Variants in RNF213 observed in about 807,000 individuals in gnomAD.
The protein encoded by RNF213 is E3 ubiquitin-protein ligase RNF213.
A neutral mutation model predicts 514.4 loss-of-function variants in RNF213; 341 were observed. The observed-to-expected ratio is 0.66, with a 90% CI of 0.61 to 0.73. The LOEUF is 0.73. RNF213 is among the 30% of genes least tolerant of loss of function. The probability of loss-of-function intolerance (pLI) is 0.00; values close to 1 mark genes in which losing one functional copy is unlikely to be tolerated. For synonymous variants in RNF213, 2,655 were observed against 2,658.2 expected (o/e 1.00, Z 0.04); for missense variants, 5,767 against 6,615.6 (o/e 0.87, Z 4.45).
chr17:80,286,691 G>A (rs2044484492), intron 3 of RNF213, among the ~76,000 whole-genome samples: 1 of 152,234 alleles, frequency 6.6e-6, no homozygotes, highest in Non-Finnish European at 1.5e-5. Context: ...GAGGTGGGGG[G>A]CGTGGAGTGG....
At chr17:80,328,525 G>C in intron 20 of RNF213, 48 bp downstream of exon 20, 1 of 1,528,120 alleles carries the variant, frequency 6.5e-7, no homozygotes, top group Non-Finnish European at 8.8e-7. Flanking sequence ...CAAAGGGTTA[G>C]AGGAGAACAC....
intron 36 of RNF213, among the ~76,000 whole-genome samples, chr17:80,355,526 G>A (rs886873472): frequency 0.016 from 624 of 39,296 alleles, 4 homozygotes; most frequent in East Asian, 0.048. Context: ...GGCTTACAGG[G>A]GGAAGAAGCG....
intron 6 of RNF213, among the ~76,000 whole-genome samples, chr17:80,290,087 G>T (rs1033336321): frequency 6.6e-6 from 1 of 152,250 alleles, no homozygotes; most frequent in Non-Finnish European, 1.5e-5. Context: ...GAGAGGGGCT[G>T]TTCTGGCCCA....
At position 80,325,073 on chromosome 17, in the gene RNF213, G is replaced by A. The variant is rs1450923227; in HGVS notation, c.3068G>A (p.Arg1023Gln). Residue 1023 changes from arginine (R) to glutamine (Q), a missense_variant, in exon 18 of 68, where the codon CGG (arginine) becomes CAG (glutamine). By Grantham distance (43) the Arg-to-Gln change is conservative (BLOSUM62 1). This residue lies in a region of RNF213 where 516 missense variants were observed against 566.5 expected (regional missense o/e 0.91). Transcript: ENST00000582970. ...CAGGGGTTCTCTTACTCTGATTTGC[G>A]GAAATTTGGCATCGTCTTGTCTGCT... is the stretch of plus-strand genomic sequence containing the variant. ...ILQGFSYSDL[R>Q]KFGIVLSAVI... 3.3e-6 allele frequency: 5 copies of A among 1,537,026 alleles called. No individual in the cohort carries two copies. Among genetic ancestry groups the A allele is most frequent in the Admixed American group, 3.9e-5 (2 of 50,960 alleles).
chr17:80,392,794 T>G (rs531679406), intron 67 of RNF213, among the ~76,000 whole-genome samples: 11 of 152,110 alleles, frequency 7.2e-5, no homozygotes, highest in Non-Finnish European at 2.9e-5. Flanking sequence ...TTCTCCATGT[T>G]GGCTAGGCTG....
chr17:80,333,226 A>T (rs1223800354), intron 21 of RNF213, among the ~76,000 whole-genome samples: 8 of 141,012 alleles, frequency 5.7e-5, no homozygotes, highest in South Asian at 2.3e-4. Flanking sequence ...TTTTTTTGGT[A>T]TTTTTTTTTT....
chr17:80,363,305 A>G lies in RNF213; in HGVS notation c.11559A>G (p.Gly3853=), dbSNP rs758667908. 6.2e-7 allele frequency: 1 copy of G among 1,613,698 alleles called. No individual in the cohort carries two copies. The highest frequency in any genetic ancestry group is 1.3e-5 in the African/African-American group (1 of 74,898). Residue 3853 remains glycine (G), a synonymous_variant, in exon 40 of 68, where the codon GGA becomes GGG. Coordinates refer to ENST00000582970, the MANE Select transcript of RNF213 (RefSeq NM_001256071.3). Reference sequence around the variant, plus strand: ...CCCGTTGGAACCATGAGCTGGCTGGATGTGAGATGGTATGGCCCTCCTCCG... The same window carrying G: ...CCCGTTGGAACCATGAGCTGGCTGGGTGTGAGATGGTATGGCCCTCCTCCG... ...MEARWNHELA[G]CEMTLDAFAA... is the part of the protein sequence containing the mutation.
chr17:80,348,917 A>G (rs946314479), intron 29 of RNF213, among the ~76,000 whole-genome samples: 5 of 152,180 alleles, frequency 3.3e-5, no homozygotes, highest in African/African-American at 1.2e-4. Flanking sequence ...TCTCAGCCCT[A>G]TGGAGCGGGC....
Position 80,348,305 on chromosome 17 carries a change from T to C in RNF213, c.9951+19T>C, listed in dbSNP as rs576113500. The stretch of plus-strand genomic sequence containing the variant: ...CACAGAGGTGATTGTCTTTCTGCAC[T>C]TGTACCCTATCCCCTGTCACCCAAG... On this transcript the variant is annotated intron_variant, in intron 29 of 67. Coordinates refer to ENST00000582970, the MANE Select transcript of RNF213 (RefSeq NM_001256071.3). 1.4e-4 allele frequency: 223 copies of C among 1,607,586 alleles called. 1 individual carries two copies. In the South Asian group the frequency reaches 2.3e-3, roughly 17 times the overall value.
intron 3 of RNF213, among the ~76,000 whole-genome samples, chr17:80,281,511 ACCC>A (rs1231909684): frequency 1.4e-5 from 1 of 70,336 alleles, no homozygotes; most frequent in Non-Finnish European, 2.7e-5. Flanking sequence ...TCACACACAC[ACCC>A]CAACACACAC....
intron 2 of RNF213, among the ~76,000 whole-genome samples, chr17:80,269,683 TTCTA>T (rs1462152276): frequency 2.0e-5 from 3 of 152,268 alleles, no homozygotes; most frequent in Admixed American, 6.5e-5. Context: ...CATTCATCTG[TTCTA>T]TCTATGTATC....
chr17:80,293,683 G>T (rs538347159), intron 8 of RNF213, among the ~76,000 whole-genome samples: 26 of 152,120 alleles, frequency 1.7e-4, no homozygotes, highest in Non-Finnish European at 3.5e-4. Context: ...AATTGGCCGG[G>T]CGTCTTGGCA....
chr17:80,387,804 G>A (rs912534611), intron 63 of RNF213, among the ~76,000 whole-genome samples: 1 of 152,112 alleles, frequency 6.6e-6, no homozygotes, highest in Non-Finnish European at 1.5e-5. Context: ...ACTGCATCCC[G>A]TGACCTCATG....
intron 31 of RNF213, among the ~76,000 whole-genome samples, chr17:80,350,987 TA>T (rs1222349364): frequency 1.3e-5 from 2 of 152,266 alleles, no homozygotes; most frequent in East Asian, 1.9e-4. Context: ...ATTTATTGGA[TA>T]TTTTTATAGT....
At position 80,345,840 on chromosome 17, in the gene RNF213, T is replaced by C; in HGVS notation, c.7505T>C (p.Leu2502Pro). The part of the protein sequence containing the change: ...TEAISCIKEV[L>P]CDHMVDGQPL... ...GCTATAAGCTGTATCAAAGAAGTCC[T>C]GTGTGATCATATGGTGGATGGCCAG... is the stretch of plus-strand genomic sequence containing the variant. The change falls in exon 29 of 68, where the codon CTG becomes CCG. Residue 2502 changes from leucine to proline, a missense_variant. Around this residue, in one of 13 missense-constraint regions of RNF213, gnomAD observed 1,377 missense variants for 1,635.2 expected, o/e 0.84. Coordinates refer to ENST00000582970, the MANE Select transcript of RNF213 (RefSeq NM_001256071.3). The surrounding 1 kb of genome is among the most constrained non-coding windows in gnomAD (Gnocchi z 6.0). 1 of 1,614,126 alleles carries C rather than the reference T, an allele frequency of 6.2e-7. No homozygotes were observed. Among genetic ancestry groups the C allele is most frequent in the Non-Finnish European group, 8.5e-7 (1 of 1,180,034 alleles).
At chr17:80,369,456 A>G in intron 44 of RNF213, 46 bp from the exon 45 acceptor site, 1 of 1,561,822 alleles carries the variant, frequency 6.4e-7, no homozygotes, top group South Asian at 1.1e-5. Context: ...GTAAGGAGGC[A>G]TTTGGGAAAC....
At chr17:80,352,432 AC>A (rs2078559117) in intron 32 of RNF213, 1 of 382,184 alleles carries the variant, frequency 2.6e-6, no homozygotes. Context: ...ACGCACCGAT[AC>A]GCCTGTTTGG....
chr17:80,318,910 T>C (rs905055282), intron 16 of RNF213, among the ~76,000 whole-genome samples: 1 of 152,154 alleles, frequency 6.6e-6, no homozygotes, highest in African/African-American at 2.4e-5. Context: ...AAGGGAAAAG[T>C]CAGAAACAAG....
intron 48 of RNF213, 21 bp from the exon 49 acceptor site, chr17:80,372,954 G>A (rs377637410): frequency 2.6e-5 from 42 of 1,610,086 alleles, no homozygotes; most frequent in Non-Finnish European, 3.5e-5. Flanking sequence ...CCACTCACCC[G>A]CTTTCTCGTT....
Sources: gnomAD v4.1 joint callset for allele counts (sites outside exome capture counted in the v4.1 genomes callset) on GRCh38, gnomAD v4.1.1 for gene constraint, gnomAD v4.1.1 regional missense constraint, Gnocchi (gnomAD v3.1) non-coding constraint, MANE v1.5 for transcripts, NCBI Gene and HGNC (gene_info 2026-07-23, HGNC 2026-07-21) for gene names.